The following NLGN1 variants were observed in gnomAD, a reference collection of about 807,000 sequenced individuals.
NLGN1 encodes neuroligin-1.
NLGN1 carries 12 observed loss-of-function variants against 65.5 expected under a neutral mutation model. That is an observed-to-expected ratio of 0.18 (90% CI 0.12 to 0.30). The LOEUF (loss-of-function observed/expected upper bound fraction) is 0.30, where lower values mean the gene tolerates loss of function less well. NLGN1 is among the 10% of genes least tolerant of loss of function. The pLI, the probability that NLGN1 is intolerant of heterozygous loss-of-function variation, is 1.00. For synonymous variants in NLGN1, 350 were observed against 359.5 expected, an observed-to-expected ratio of 0.97 and a Z score of 0.30; for missense variants, 750 against 1,007.1, an observed-to-expected ratio of 0.74 and a Z score of 3.46.
At chr3:173,777,612 TCTG>T (rs1780493166) in intron 3 of NLGN1, among the ~76,000 whole-genome samples, 3 of 118,770 alleles carry the variant, frequency 2.5e-5, no homozygotes, top group African/African-American at 7.5e-5. Context: ...ATGTATTCTG[TCTG>T]TCTGTCTGTC....
At chr3:173,721,425 A>C (rs1439678479) in intron 3 of NLGN1, among the ~76,000 whole-genome samples, 1 of 152,218 alleles carries the variant, frequency 6.6e-6, no homozygotes, top group African/African-American at 2.4e-5. Flanking sequence ...AGTAAACGCT[A>C]TAGATTTTGT....
intron 1 of NLGN1, among the ~76,000 whole-genome samples, chr3:173,400,790 T>C (rs1717539294): frequency 6.6e-6 from 1 of 152,228 alleles, no homozygotes; most frequent in South Asian, 2.1e-4. Context: ...AAATGATAGC[T>C]TACCTTTATG....
chr3:173,479,861 C>CTTTATT (rs2148962200), intron 2 of NLGN1, among the ~76,000 whole-genome samples: 1 of 152,160 alleles, frequency 6.6e-6, no homozygotes, highest in African/African-American at 2.4e-5. Flanking sequence ...ACATAACCAT[C>CTTTATT]TTTATTTTTA....
chr3:173,892,690 TG>T (rs1735585031), intron 4 of NLGN1, among the ~76,000 whole-genome samples: 1 of 148,752 alleles, frequency 6.7e-6, no homozygotes, highest in South Asian at 2.1e-4. Context: ...CAGACACTCG[TG>T]GGGTTTCCAT....
At chr3:174,044,124 G>GCT (rs1351496177) in intron 4 of NLGN1, among the ~76,000 whole-genome samples, 2 of 151,882 alleles carry the variant, frequency 1.3e-5, no homozygotes, top group Admixed American at 1.3e-4. Context: ...CTGGGATGCA[G>GCT]GGCATCAAGT....
intron 4 of NLGN1, among the ~76,000 whole-genome samples, chr3:173,872,076 A>G (rs775256333): frequency 7.9e-5 from 12 of 152,132 alleles, no homozygotes; most frequent in Non-Finnish European, 1.5e-4. Flanking sequence ...TGGGTAGGTC[A>G]CGAGGGATGC....
At chr3:173,577,581 G>T (rs1360191154) in intron 2 of NLGN1, among the ~76,000 whole-genome samples, 1 of 152,188 alleles carries the variant, frequency 6.6e-6, no homozygotes, top group East Asian at 1.9e-4. Flanking sequence ...ACAAGAAAAG[G>T]CTGAGAGTCA....
At chr3:173,776,774 G>A (rs2150296719) in intron 3 of NLGN1, among the ~76,000 whole-genome samples, 1 of 152,058 alleles carries the variant, frequency 6.6e-6, no homozygotes, top group Non-Finnish European at 1.5e-5. Flanking sequence ...TAAACTAGAT[G>A]GAGATACCTC....
At chr3:174,098,866 G>C (rs75881230) in intron 4 of NLGN1, among the ~76,000 whole-genome samples, 1 of 152,130 alleles carries the variant, frequency 6.6e-6, no homozygotes, top group South Asian at 2.1e-4. Flanking sequence ...AAAAAAGTGA[G>C]TAATGCCTTA....
chr3:173,816,489 C>CT (rs1220350446), intron 4 of NLGN1, among the ~76,000 whole-genome samples: 2 of 152,268 alleles, frequency 1.3e-5, no homozygotes, highest in Non-Finnish European at 2.9e-5. Flanking sequence ...AGTAAAAACT[C>CT]TTTATTTTCC....
chr3:173,545,745 C>T (rs759136085), intron 2 of NLGN1, among the ~76,000 whole-genome samples: 4 of 152,070 alleles, frequency 2.6e-5, no homozygotes, highest in Non-Finnish European at 5.9e-5. Context: ...ACATATACAC[C>T]GTGGAATACT....
chr3:174,288,699 T>C (rs999391723), downstream of NLGN1, among the ~76,000 whole-genome samples: 1 of 151,492 alleles, frequency 6.6e-6, no homozygotes, highest in Non-Finnish European at 1.5e-5. Flanking sequence ...GAAAGTTTAA[T>C]GTCTAGGATT....
At chr3:173,539,557 TAA>T (rs1491381952) in intron 2 of NLGN1, among the ~76,000 whole-genome samples, 7 of 143,386 alleles carry the variant, frequency 4.9e-5, no homozygotes, top group East Asian at 2.0e-4. Flanking sequence ...AATATATACA[TAA>T]TATATATAAC....
In NLGN1 at chr3:173,402,830, G is replaced by A. The variant is rs147313189; in HGVS notation, c.-390+4343G>A. ...CACATTTCACTCTTAACTTACAACT[G>A]TCAATGAGACAATGCGTTGTATGAT... On this transcript the variant is annotated intron_variant, in intron 1 of 6. Coordinates refer to ENST00000457714, the Ensembl canonical transcript of NLGN1. 3.9e-5 allele frequency among the ~76,000 whole-genome samples: 6 copies of A among 152,198 alleles called. No homozygotes were observed. The East Asian group carries it at 1.2e-3, about 29-fold the overall frequency.
intron 4 of NLGN1, among the ~76,000 whole-genome samples, chr3:173,961,156 A>G (rs1032873127): frequency 6.6e-6 from 1 of 152,126 alleles, no homozygotes; most frequent in South Asian, 2.1e-4. Flanking sequence ...CCTCGGAAAC[A>G]TGAAGTATAG....
chr3:173,681,632 TTTTGGCCC>T (rs1763962224), intron 3 of NLGN1, among the ~76,000 whole-genome samples: 1 of 152,152 alleles, frequency 6.6e-6, no homozygotes, highest in Non-Finnish European at 1.5e-5. Flanking sequence ...TAAGACATAT[TTTTGGCCC>T]TGATTAAGCA....
intron 4 of NLGN1, among the ~76,000 whole-genome samples, chr3:174,088,808 A>AT (rs1561014155): frequency 2.8e-4 from 42 of 149,842 alleles, no homozygotes; most frequent in African/African-American, 1.0e-3. Flanking sequence ...AAATAAATAA[A>AT]ACTAGATTAT....
intron 2 of NLGN1, among the ~76,000 whole-genome samples, chr3:173,520,300 TG>T (rs1734545536): frequency 6.6e-6 from 1 of 152,246 alleles, no homozygotes; most frequent in Non-Finnish European, 1.5e-5. Flanking sequence ...AACATGCTGC[TG>T]GATTCTATTT....
intron 1 of NLGN1, among the ~76,000 whole-genome samples, chr3:173,427,856 T>G (rs1361240892): frequency 6.6e-6 from 1 of 150,782 alleles, no homozygotes; most frequent in Non-Finnish European, 1.5e-5. Flanking sequence ...TTTTTTTTTT[T>G]TTTTGGTTGA....
Sources: gnomAD v4.1 joint callset for allele counts (sites outside exome capture counted in the v4.1 genomes callset) on GRCh38, gnomAD v4.1.1 for gene constraint, MANE v1.5 for transcripts, NCBI Gene and HGNC (gene_info 2026-07-23, HGNC 2026-07-21) for gene names.